Variants in RAB2B observed in about 807,000 individuals in gnomAD.
RAB2B encodes the protein ras-related protein Rab-2B.
A neutral mutation model predicts 29.8 loss-of-function variants in RAB2B; 20 were observed. The observed-to-expected ratio is 0.67, with a 90% CI of 0.47 to 0.97. RAB2B has a LOEUF of 0.97. Ranked by LOEUF, RAB2B falls within the 50% of genes least tolerant of loss-of-function variation. The pLI is 0.00. For synonymous variants in RAB2B, 93 were observed against 91.7 expected (o/e 1.01, Z -0.08); for missense variants, 218 against 272.0 (o/e 0.80, Z 1.40).
At position 21,460,593 on chromosome 14, in the gene RAB2B, A is replaced by AAAG. The variant is rs1566464567; in HGVS notation, c.*602_*603insCTT. On this transcript the variant is annotated 3_prime_UTR_variant, in exon 8 of 8. Transcript: ENST00000397762. ...AGTGAGACTCCATCCCCCCAAAAAAAAAAAAAAAAAAAGAAAAAAAAAATT... is the reference window on the plus strand; with the variant it reads ...AGTGAGACTCCATCCCCCCAAAAAAAAAGAAAAAAAAAAAAGAAAAAAAAAATT... The AAAG allele has an allele frequency of 6.7e-6, 1 of 148,912 alleles. No homozygotes were observed. The highest frequency in any genetic ancestry group is 1.4e-5 in the Non-Finnish European group (1 of 68,968). 9.2% of individuals were successfully genotyped at this position (148,912 alleles called of 1,614,324 possible).
At chr14:21,463,572 T>C (rs988105845) in intron 6 of RAB2B, 84 bp downstream of exon 6, 1 of 1,021,338 alleles carries the variant, frequency 9.8e-7, no homozygotes, top group Non-Finnish European at 1.5e-6. Flanking sequence ...TACCAATTTC[T>C]TATAGGAGAA....
At chr14:21,469,151 AT>A (rs1566470735) in intron 3 of RAB2B, among the ~76,000 whole-genome samples, 5 of 152,110 alleles carry the variant, frequency 3.3e-5, no homozygotes, top group Non-Finnish European at 7.4e-5. Context: ...AGTGTATGTC[AT>A]TTTTTTCAAT....
intron 7 of RAB2B, 59 bp downstream of exon 7, chr14:21,462,291 C>T: frequency 7.1e-7 from 1 of 1,406,560 alleles, no homozygotes; most frequent in East Asian, 2.4e-5. Flanking sequence ...TTCTAGGGAA[C>T]CTCCAGTTGT....
chr14:21,470,395 G>T (rs1410470542), intron 3 of RAB2B, among the ~76,000 whole-genome samples: 2 of 151,986 alleles, frequency 1.3e-5, no homozygotes, highest in East Asian at 1.9e-4. Context: ...TGTCCTCTTA[G>T]CCACTATATC....
At chr14:21,474,008 T>C (rs1432371968) in intron 3 of RAB2B, among the ~76,000 whole-genome samples, 1 of 151,642 alleles carries the variant, frequency 6.6e-6, no homozygotes, top group Non-Finnish European at 1.5e-5. Context: ...TAAGACTCCG[T>C]CTCAGAAAAA....
At chr14:21,466,114 C>G (rs1010367779) in intron 5 of RAB2B, among the ~76,000 whole-genome samples, 1 of 152,192 alleles carries the variant, frequency 6.6e-6, no homozygotes, top group Admixed American at 6.5e-5. Context: ...TGCACAAGAG[C>G]AGGGGGACGA....
intron 5 of RAB2B, among the ~76,000 whole-genome samples, chr14:21,467,135 C>T (rs895324151): frequency 6.6e-6 from 1 of 151,080 alleles, no homozygotes; most frequent in South Asian, 2.1e-4. Flanking sequence ...TCTTGAACTC[C>T]TGACTTTCTA....
chr14:21,461,123 G>A lies in RAB2B; in HGVS notation c.*73C>T. 1 of 1,074,828 alleles carries A rather than the reference G, an allele frequency of 9.3e-7. No homozygotes were observed. Among genetic ancestry groups the A allele is most frequent in the South Asian group, 1.4e-5 (1 of 69,316 alleles). 66.6% of individuals were successfully genotyped at this position (1,074,828 alleles called of 1,614,324 possible). A position where few individuals can be genotyped will look rare whatever the true frequency, so the allele number is the denominator to read the frequency against. Reference sequence around the variant, plus strand: ...AAGAGGCTGCTCTCAGCCAAAGCAAGAAAGACCTCTTTCATTAAGCCTATT... The same window carrying A: ...AAGAGGCTGCTCTCAGCCAAAGCAAAAAAGACCTCTTTCATTAAGCCTATT... On this transcript the variant is annotated 3_prime_UTR_variant, in exon 8 of 8. Transcript: ENST00000397762.
At chr14:21,462,700 C>T (rs1301202090) in intron 6 of RAB2B, among the ~76,000 whole-genome samples, 4 of 151,612 alleles carry the variant, frequency 2.6e-5, no homozygotes, top group African/African-American at 7.3e-5. Context: ...ATCAGCCGGG[C>T]GTGGTGGCGC....
At chr14:21,474,993 G>T in intron 2 of RAB2B, 59 bp from the exon 3 acceptor site, 1 of 1,407,788 alleles carries the variant, frequency 7.1e-7, no homozygotes, top group South Asian at 1.2e-5. Context: ...CACGTGGAGT[G>T]GGAGGTTCCT....
At chr14:21,469,962 T>A (rs1342381214) in intron 3 of RAB2B, among the ~76,000 whole-genome samples, 1 of 151,164 alleles carries the variant, frequency 6.6e-6, no homozygotes, top group Non-Finnish European at 1.5e-5. Flanking sequence ...TTTTTTCTTT[T>A]TTTTTTTGAG....
intron 6 of RAB2B, among the ~76,000 whole-genome samples, chr14:21,463,427 A>T (rs993826443): frequency 1.3e-5 from 2 of 151,958 alleles, no homozygotes; most frequent in Non-Finnish European, 2.9e-5. Flanking sequence ...TTTGTATTTT[A>T]GTAGAGATGG....
At chr14:21,470,237 G>A (rs1890777375) in intron 3 of RAB2B, among the ~76,000 whole-genome samples, 1 of 152,074 alleles carries the variant, frequency 6.6e-6, no homozygotes, top group African/African-American at 2.4e-5. Flanking sequence ...ACAGGCATGA[G>A]CCACCGTGCC....
Position 21,476,659 on chromosome 14 carries a change from A to C in RAB2B, c.47-60T>G, listed in dbSNP as rs753216416. 1.9e-6 allele frequency: 3 copies of C among 1,613,300 alleles called. No individual in the cohort carries two copies. The Admixed American group carries it at 5.0e-5, about 27-fold the overall frequency. Reference sequence around the variant, plus strand: ...CCCTGGAACACCTTCCAGAGTATGGACTTCCCGGACCAGAGAAGGGGGGCT... The same window carrying C: ...CCCTGGAACACCTTCCAGAGTATGGCCTTCCCGGACCAGAGAAGGGGGGCT... On this transcript the variant is annotated intron_variant, in intron 1 of 7. Transcript: ENST00000397762.
chr14:21,460,975 A>G lies in RAB2B; in HGVS notation c.*221T>C, dbSNP rs1041627618. 2 of 363,488 alleles carry G rather than the reference A, an allele frequency of 5.5e-6. No individual in the cohort carries two copies. Among genetic ancestry groups the G allele is most frequent in the African/African-American group, 2.1e-5 (1 of 47,250 alleles). 22.5% of individuals were successfully genotyped at this position (363,488 alleles called of 1,614,324 possible). On this transcript the variant is annotated 3_prime_UTR_variant, in exon 8 of 8. Coordinates refer to ENST00000397762, the MANE Select transcript of RAB2B (RefSeq NM_032846.4). ...GATCCTAACAATTTAAGAAATTTGT[A>G]TAGGAGGATAAGAAGAACCCTAATC...
chr14:21,461,268 A>G lies in RAB2B; in HGVS notation c.579T>C (p.Ile193=). 6.2e-7 allele frequency: 1 copy of G among 1,613,882 alleles called. No homozygotes were observed. The highest frequency in any genetic ancestry group is 8.5e-7 in the Non-Finnish European group (1 of 1,179,856). The change falls in exon 8 of 8, where the codon ATT becomes ATC. Residue 193 remains isoleucine, a synonymous_variant. Transcript: ENST00000397762. ...NGIKIGPQQS[I]STSVGPSASQ... ...AGGCACTGGGTCCCACTGATGTTGA[A>G]ATTGACTGTTGGGGCCCAATCTTGA...
intron 3 of RAB2B, among the ~76,000 whole-genome samples, chr14:21,471,282 A>G (rs184736708): frequency 1.6e-4 from 24 of 152,088 alleles, no homozygotes; most frequent in East Asian, 5.8e-4. Flanking sequence ...GGTCTTGTCT[A>G]TATCAGTCTC....
rs550382961 is a variant in RAB2B, at chr14:21,459,571, T to A, written c.*1625A>T. On this transcript the variant is annotated 3_prime_UTR_variant, in exon 8 of 8. Transcript: ENST00000397762. Reference sequence around the variant, plus strand: ...CTGCTCTCAAGGAGCTTACAACTTATACGGAAAGACAAGATTCCACACAAA... The same window carrying A: ...CTGCTCTCAAGGAGCTTACAACTTAAACGGAAAGACAAGATTCCACACAAA... The A allele has an allele frequency of 1.3e-5, 2 of 152,218 alleles. No individual in the cohort carries two copies. The highest frequency in any genetic ancestry group is 2.9e-5 in the Non-Finnish European group (2 of 68,070). 9.4% of individuals were successfully genotyped at this position (152,218 alleles called of 1,614,324 possible). A position where few individuals can be genotyped will look rare whatever the true frequency, so the allele number is the denominator to read the frequency against.
intron 3 of RAB2B, among the ~76,000 whole-genome samples, chr14:21,473,055 A>C (rs181863754): frequency 1.3e-5 from 2 of 152,172 alleles, no homozygotes; most frequent in Non-Finnish European, 2.9e-5. Flanking sequence ...TCCCCAGTGC[A>C]GGGGATCAGG....
Sources: gnomAD v4.1 joint callset for allele counts (sites outside exome capture counted in the v4.1 genomes callset) on GRCh38, gnomAD v4.1.1 for gene constraint, MANE v1.5 for transcripts, NCBI Gene and HGNC (gene_info 2026-07-23, HGNC 2026-07-21) for gene names.